The following RBMS3 variants were observed in gnomAD, a reference collection of about 807,000 sequenced individuals.
RBMS3 encodes the protein RNA binding motif single stranded interacting protein 3, also known as RNA-binding motif, single-stranded-interacting protein 3.
RBMS3 carries 27 observed loss-of-function variants against 66.8 expected under a neutral mutation model. The observed-to-expected ratio is 0.40, with a 90% CI of 0.30 to 0.56. RBMS3 has a LOEUF of 0.56. Among genes scored for constraint, RBMS3 ranks in the 20% least tolerant of loss-of-function variants. RBMS3 has a pLI of 0.40. For synonymous variants in RBMS3, 188 were observed against 183.0 expected, an observed-to-expected ratio of 1.03 and a Z score of -0.22; for missense variants, 513 against 549.5, an observed-to-expected ratio of 0.93 and a Z score of 0.66.
At chr3:29,282,143 T>C (rs1313850352) in intron 1 of RBMS3, among the ~76,000 whole-genome samples, 2 of 152,058 alleles carry the variant, frequency 1.3e-5, no homozygotes, top group Non-Finnish European at 2.9e-5. Flanking sequence ...TGTTCTTTGA[T>C]TGTGGCTCTA....
In RBMS3 at chr3:29,954,821, C is replaced by A. The variant is rs549273914; in HGVS notation, c.1098+10567C>A. 6.6e-5 allele frequency among the ~76,000 whole-genome samples: 10 copies of A among 152,110 alleles called. No homozygotes were observed. The South Asian group carries it at 2.1e-3, about 32-fold the overall frequency. On this transcript the variant is annotated intron_variant, in intron 12 of 14. Transcript: ENST00000383767. Reference sequence around the variant, plus strand: ...GTTTTGGTGTCAACACCTAGCACTTCTCTTTCCTATTCATCCTTCACACAC... The same window carrying A: ...GTTTTGGTGTCAACACCTAGCACTTATCTTTCCTATTCATCCTTCACACAC...
intron 12 of RBMS3, among the ~76,000 whole-genome samples, chr3:29,959,364 G>A (rs1227262382): frequency 6.6e-6 from 1 of 152,162 alleles, no homozygotes; most frequent in Non-Finnish European, 1.5e-5. Flanking sequence ...CATCTCCTGA[G>A]AGCTTGTTAG....
chr3:29,405,771 A>G (rs1272071845), intron 1 of RBMS3, among the ~76,000 whole-genome samples: 1 of 152,162 alleles, frequency 6.6e-6, no homozygotes, highest in Non-Finnish European at 1.5e-5. Context: ...TTCTAAGGTG[A>G]GCTTAGTGAC....
intron 3 of RBMS3, among the ~76,000 whole-genome samples, chr3:29,537,858 T>G (rs940603879): frequency 6.6e-6 from 1 of 151,396 alleles, no homozygotes; most frequent in African/African-American, 2.4e-5. Context: ...GAAAAAAAAT[T>G]TGCCCCGATA....
At chr3:29,480,990 C>A (rs2043110838) in intron 2 of RBMS3, among the ~76,000 whole-genome samples, 2 of 152,112 alleles carry the variant, frequency 1.3e-5, no homozygotes, top group African/African-American at 4.8e-5. Flanking sequence ...GTTGGCAGAG[C>A]CTGGACTCTG....
At chr3:29,296,593 A>T (rs2033280682) in intron 1 of RBMS3, among the ~76,000 whole-genome samples, 1 of 151,808 alleles carries the variant, frequency 6.6e-6, no homozygotes, top group Non-Finnish European at 1.5e-5. Flanking sequence ...CATGACAATA[A>T]AAAGAATAAT....
intron 14 of RBMS3, among the ~76,000 whole-genome samples, chr3:29,993,608 G>T (rs1345561865): frequency 2.0e-5 from 3 of 152,174 alleles, no homozygotes; most frequent in Non-Finnish European, 4.4e-5. Flanking sequence ...AGAGCAAAAA[G>T]ATTGAACCTC....
intron 5 of RBMS3, among the ~76,000 whole-genome samples, chr3:29,752,931 A>G (rs938048340): frequency 2.0e-5 from 3 of 152,236 alleles, no homozygotes; most frequent in Admixed American, 6.5e-5. Context: ...TTGGTTTTAT[A>G]AACTTTAAGG....
At chr3:29,998,664 G>A (rs1406130593) in intron 14 of RBMS3, among the ~76,000 whole-genome samples, 4 of 152,162 alleles carry the variant, frequency 2.6e-5, no homozygotes, top group Non-Finnish European at 2.9e-5. Flanking sequence ...AAGCAATGGG[G>A]AAAGGATTCC....
chr3:29,955,452 A>G (rs549558651), intron 12 of RBMS3, among the ~76,000 whole-genome samples: 76 of 152,130 alleles, frequency 5.0e-4, no homozygotes, highest in Middle Eastern at 3.4e-3. Flanking sequence ...AAGAGAAATG[A>G]TATTTTTGGA....
At chr3:29,590,237 TG>T (rs1451895654) in intron 4 of RBMS3, among the ~76,000 whole-genome samples, 2 of 152,080 alleles carry the variant, frequency 1.3e-5, no homozygotes, top group Non-Finnish European at 2.9e-5. Flanking sequence ...TGTGTGACCT[TG>T]GCTAAGTTAC....
rs1000825466 is a variant in RBMS3 at position 29,431,629 on chromosome 3, G to A, written c.76-3114G>A. On this transcript the variant is annotated intron_variant, in intron 1 of 14. Coordinates refer to ENST00000383767, the MANE Select transcript of RBMS3 (RefSeq NM_001003793.3). ...TTCAAAGAAGAAATCTGGAGGCTCT[G>A]GGTTTTGCTCCTGTCATGTCTATTC... Among the ~76,000 whole-genome samples, 3 of 152,062 alleles carry A rather than the reference G, an allele frequency of 2.0e-5. No individual in the cohort carries two copies. The East Asian group carries it at 5.8e-4, about 29-fold the overall frequency.
intron 1 of RBMS3, among the ~76,000 whole-genome samples, chr3:29,407,644 A>G (rs2040081964): frequency 6.6e-6 from 1 of 152,200 alleles, no homozygotes; most frequent in Non-Finnish European, 1.5e-5. Flanking sequence ...ATGTTTCTAT[A>G]TCTTTCTCCC....
chr3:29,343,787 G>A (rs1480643162), intron 1 of RBMS3, among the ~76,000 whole-genome samples: 1 of 152,116 alleles, frequency 6.6e-6, no homozygotes, highest in African/African-American at 2.4e-5. Context: ...TTGATCCTAA[G>A]GTCACAACTA....
At chr3:29,617,916 G>C (rs2048723738) in intron 4 of RBMS3, among the ~76,000 whole-genome samples, 1 of 152,192 alleles carries the variant, frequency 6.6e-6, no homozygotes, top group Admixed American at 6.5e-5. Flanking sequence ...ATCCAGGGAA[G>C]TGAAGTCATG....
At chr3:29,864,916 G>A (rs2059313702) in intron 6 of RBMS3, among the ~76,000 whole-genome samples, 1 of 115,444 alleles carries the variant, frequency 8.7e-6, no homozygotes, top group African/African-American at 3.5e-5. Context: ...AAGAGAGAGA[G>A]AGGAAGGAAG....
At chr3:29,393,430 GCA>G (rs149288846) in intron 1 of RBMS3, among the ~76,000 whole-genome samples, 1,849 of 152,076 alleles carry the variant, frequency 0.012, 47 homozygotes, top group African/African-American at 0.041. Context: ...CAAATTGTAT[GCA>G]CACACACACA....
chr3:29,547,487 C>T lies in RBMS3; in HGVS notation c.308-39627C>T, dbSNP rs537103929. On this transcript the variant is annotated intron_variant, in intron 3 of 14. Transcript: ENST00000383767. Reference sequence around the variant, plus strand: ...TTGGAAAATAAAAAAATCCTCCCCCCGCCCCACCATTATTATAAGCTCCAT... The same window carrying T: ...TTGGAAAATAAAAAAATCCTCCCCCTGCCCCACCATTATTATAAGCTCCAT... Among the ~76,000 whole-genome samples the T allele has an allele frequency of 7.9e-5, 12 of 152,000 alleles. No individual in the cohort carries two copies. The South Asian group carries it at 2.1e-3, about 26-fold the overall frequency.
At chr3:29,487,040 T>TG (rs1219405604) in intron 2 of RBMS3, among the ~76,000 whole-genome samples, 3 of 152,188 alleles carry the variant, frequency 2.0e-5, no homozygotes, top group African/African-American at 4.8e-5. Context: ...AAGATACATA[T>TG]AATTTTGCAA....
Sources: allele counts gnomAD v4.1 joint callset (sites outside exome capture counted in the v4.1 genomes callset), GRCh38; gene constraint gnomAD v4.1.1; transcripts MANE v1.5; gene names NCBI Gene and HGNC (gene_info 2026-07-23, HGNC 2026-07-21).